BDKRB2: variants seen among roughly 807,000 people sequenced by gnomAD.
BDKRB2 encodes the protein bradykinin receptor B2.
Under a neutral mutation model 4.0 loss-of-function variants are expected in BDKRB2, and 6 were observed. That is an observed-to-expected ratio of 1.49 (90% CI 0.81 to 2.93). The LOEUF (loss-of-function observed/expected upper bound fraction) is 2.93. Among genes scored for constraint, BDKRB2 ranks in the 30% most tolerant of loss-of-function variants. The pLI is 0.00. For synonymous variants in BDKRB2, 225 were observed against 215.3 expected, an observed-to-expected ratio of 1.05 and a Z score of -0.40; for missense variants, 478 against 520.1, an observed-to-expected ratio of 0.92 and a Z score of 0.79.
intron 1 of BDKRB2, among the ~76,000 whole-genome samples, chr14:96,227,500 C>T (rs1020191770): frequency 3.9e-5 from 6 of 152,114 alleles, no homozygotes; most frequent in African/African-American, 1.2e-4. Flanking sequence ...GGCACTTGAC[C>T]CATGCTCTTC....
intron 1 of BDKRB2, among the ~76,000 whole-genome samples, chr14:96,216,041 A>G (rs2887499): frequency 0.58 from 88,216 of 152,076 alleles, 26,715 homozygotes; most frequent in Non-Finnish European, 0.67. Flanking sequence ...GACTCACAGG[A>G]GCCAAGCAGA....
intron 1 of BDKRB2, among the ~76,000 whole-genome samples, chr14:96,208,827 C>A (rs1890244132): frequency 6.6e-6 from 1 of 152,200 alleles, no homozygotes; most frequent in Admixed American, 6.5e-5. Context: ...CCATTCACTG[C>A]CAACCCCTCT....
chr14:96,228,821 G>A (rs1890755521), intron 1 of BDKRB2, among the ~76,000 whole-genome samples: 1 of 152,168 alleles, frequency 6.6e-6, no homozygotes, highest in Admixed American at 6.5e-5. Flanking sequence ...GAACCTCACT[G>A]GGTGGGAGCC....
chr14:96,225,241 A>G (rs934192541), intron 1 of BDKRB2, among the ~76,000 whole-genome samples: 2 of 152,116 alleles, frequency 1.3e-5, no homozygotes, highest in African/African-American at 2.4e-5. Context: ...CATTCTCCCA[A>G]TGAGGAAATT....
rs771862916 is a variant in BDKRB2, at chr14:96,241,018, C to T, written c.690C>T (p.Val230=). The change falls in exon 3 of 3, where the codon GTC becomes GTT. Residue 230 remains valine, a synonymous_variant. Transcript: ENST00000554311. ...TGTTCACCAACATGCTCCTGAATGT[C>T]GTGGGCTTCCTGCTGCCCCTGAGTG... ...WEVFTNMLLN[V]VGFLLPLSVI... is the part of the protein sequence containing the mutation. 1.4e-5 allele frequency: 23 copies of T among 1,606,522 alleles called. No individual in the cohort carries two copies. Among genetic ancestry groups the T allele is most frequent in the Middle Eastern group, 1.6e-4 (1 of 6,062 alleles).
At chr14:96,239,921 C>T in intron 2 of BDKRB2, 1 of 986,128 alleles carries the variant, frequency 1.0e-6, no homozygotes, top group African/African-American at 1.7e-5. Flanking sequence ...GATGGGCTGG[C>T]CATGGTCTCC....
intron 1 of BDKRB2, among the ~76,000 whole-genome samples, chr14:96,230,007 G>A (rs1343566796): frequency 4.0e-5 from 6 of 151,706 alleles, no homozygotes; most frequent in Non-Finnish European, 5.9e-5. Flanking sequence ...GGTGGCGGGC[G>A]CCTGTAGTAC....
chr14:96,211,514 C>T (rs374278139), intron 1 of BDKRB2, among the ~76,000 whole-genome samples: 58 of 152,338 alleles, frequency 3.8e-4, no homozygotes, highest in Admixed American at 9.1e-4. Context: ...TGTGCTCACA[C>T]GTGGGCCAGG....
chr14:96,240,381 C>A (rs748928489), intron 2 of BDKRB2, 22 bp from the exon 3 acceptor site: 4 of 1,422,876 alleles, frequency 2.8e-6, no homozygotes, highest in South Asian at 3.7e-5. Flanking sequence ...GGGGTAACAG[C>A]CTCTTTTCCA....
At position 96,216,768 on chromosome 14, in the gene BDKRB2, AAGG is replaced by A. The variant is rs1214395657; in HGVS notation, c.-40+11832_-40+11834del. On this transcript the variant is annotated intron_variant, in intron 1 of 2. Coordinates refer to ENST00000554311, the MANE Select transcript of BDKRB2 (RefSeq NM_001379692.1). ...AGGAGGAAGGAGGAGGAGGAGGAGG[AAGG>A]AGGAGGAGGAGGAGGAGGAGGAAGT... Among the ~76,000 whole-genome samples the A allele has an allele frequency of 4.0e-3, 384 of 95,968 alleles. 3 individuals are homozygous for A. Among genetic ancestry groups the A allele is most frequent in the South Asian group, 0.011 (32 of 2,796 alleles). 63.0% of individuals were successfully genotyped at this position (95,968 alleles called of 152,430 possible).
chr14:96,206,904 T>C (rs1435439109), intron 1 of BDKRB2, among the ~76,000 whole-genome samples: 1 of 152,104 alleles, frequency 6.6e-6, no homozygotes, highest in Non-Finnish European at 1.5e-5. Flanking sequence ...CACTGGCAGA[T>C]TGGGTGTCTG....
intron 1 of BDKRB2, among the ~76,000 whole-genome samples, chr14:96,215,470 A>AC (rs1285872636): frequency 2.1e-5 from 1 of 48,556 alleles, no homozygotes; most frequent in Non-Finnish European, 4.8e-5. Flanking sequence ...AAAATGCCAA[A>AC]CAAAAAAAAA....
rs201734929 is a variant in BDKRB2, at chr14:96,242,256, G to A, written c.*752G>A. ...GCTGTTCGACGAGACGGTCGAGCAG[G>A]GTGCTGTGGGTGATATGGACAGCAG... On this transcript the variant is annotated 3_prime_UTR_variant, in exon 3 of 3. Coordinates refer to ENST00000554311, the MANE Select transcript of BDKRB2 (RefSeq NM_001379692.1). 6.6e-6 allele frequency: 1 copy of A among 152,186 alleles called. No homozygotes were observed. Among genetic ancestry groups the A allele is most frequent in the Non-Finnish European group, 1.5e-5 (1 of 68,028 alleles). The allele number at this position is 152,186 out of a possible 1,614,324, so 9.4% of individuals were successfully genotyped here. A position where few individuals can be genotyped will look rare whatever the true frequency, so the allele number is the denominator to read the frequency against.
intron 1 of BDKRB2, among the ~76,000 whole-genome samples, chr14:96,210,345 T>C (rs1890276697): frequency 6.6e-6 from 1 of 152,216 alleles, no homozygotes; most frequent in Non-Finnish European, 1.5e-5. Context: ...AATTTTATTT[T>C]TCTTTCACAG....
At chr14:96,221,375 G>T (rs1890555880) in intron 1 of BDKRB2, among the ~76,000 whole-genome samples, 1 of 152,164 alleles carries the variant, frequency 6.6e-6, no homozygotes, top group Admixed American at 6.5e-5. Flanking sequence ...GTCGTCATCA[G>T]CATTGTCCTG....
chr14:96,207,443 G>A (rs189229468), intron 1 of BDKRB2, among the ~76,000 whole-genome samples: 14 of 152,254 alleles, frequency 9.2e-5, no homozygotes, highest in African/African-American at 2.6e-4. Flanking sequence ...ATCAGTGGTT[G>A]CCAGGAATTA....
chr14:96,238,913 A>C (rs1389308936), intron 2 of BDKRB2: 3 of 985,954 alleles, frequency 3.0e-6, no homozygotes, highest in African/African-American at 3.5e-5. Flanking sequence ...GTGTTCTTGC[A>C]CTCAGGGCAG....
rs766976697 is a variant in BDKRB2 at position 96,240,720 on chromosome 14, G to T, written c.392G>T (p.Arg131Leu). ...TGGCTCTTTGGGGAGACGCTCTGCC[G>T]CGTGGTGAATGCCATTATCTCCATG... ...FDWLFGETLC[R>L]VVNAIISMNL... The change falls in exon 3 of 3, where the codon CGC (arginine) becomes CTC (leucine). Residue 131 changes from arginine (R) to leucine (L), a missense_variant. Arg to Leu is a moderately radical substitution (Grantham distance 102). Transcript: ENST00000554311. The T allele has an allele frequency of 6.2e-7, 1 of 1,600,782 alleles. No homozygotes were observed. Among genetic ancestry groups the T allele is most frequent in the Non-Finnish European group, 8.5e-7 (1 of 1,174,412 alleles).
At chr14:96,238,054 G>C (rs1890978734) in intron 2 of BDKRB2, 2 of 1,102,798 alleles carry the variant, frequency 1.8e-6, no homozygotes, top group African/African-American at 1.7e-5. Flanking sequence ...TACCTTCAGA[G>C]GACTCTGGAA....
Sources: gnomAD v4.1 joint callset for allele counts (sites outside exome capture counted in the v4.1 genomes callset) on GRCh38, gnomAD v4.1.1 for gene constraint, MANE v1.5 for transcripts, NCBI Gene and HGNC (gene_info 2026-07-23, HGNC 2026-07-21) for gene names.